CELSR1: variants seen among roughly 807,000 people sequenced by gnomAD.
CELSR1 encodes the protein adhesion G protein-coupled receptor C1.
CELSR1 carries 110 observed loss-of-function variants against 249.1 expected under a neutral mutation model. The observed-to-expected ratio is 0.44, with a 90% CI of 0.38 to 0.52. CELSR1 has a LOEUF of 0.52. Ranked by LOEUF, CELSR1 falls within the 20% of genes least tolerant of loss-of-function variation. The probability of loss-of-function intolerance (pLI) is 0.00; values close to 1 mark genes in which losing one functional copy is unlikely to be tolerated. For missense variants in CELSR1, 4,109 were observed against 4,296.4 expected (o/e 0.96, Z 1.22); for synonymous variants, 2,113 against 1,900.0 (o/e 1.11, Z -2.92).
At chr22:46,499,743 C>A (rs141693395) in intron 1 of CELSR1, among the ~76,000 whole-genome samples, 4,277 of 152,218 alleles carry the variant, frequency 0.028, 110 homozygotes, top group Middle Eastern at 0.048. Context: ...CCTGGTCCCC[C>A]ACCCTTGGGA....
At chr22:46,386,616 C>T (rs2079037006) in intron 18 of CELSR1, 31 bp from the exon 19 acceptor site, 2 of 1,517,230 alleles carry the variant, frequency 1.3e-6, no homozygotes, top group Non-Finnish European at 1.8e-6. Context: ...CAGTACTCAG[C>T]CTGCGGAGGC....
rs59890145 is a variant in CELSR1 at position 46,385,303 on chromosome 22, G to A, written c.6740-617C>T. On this transcript the variant is annotated intron_variant, in intron 19 of 34. Transcript: ENST00000674500. ...AATAGAGACAGGGTCTCACTATGGC[G>A]CCTGGCTGGTTTCGAACTCCTGGGC... Among the ~76,000 whole-genome samples, 114 of 152,102 alleles carry A rather than the reference G, an allele frequency of 7.5e-4. 1 individual carries two copies. Among genetic ancestry groups the A allele is most frequent in the African/African-American group, 2.7e-3 (111 of 41,470 alleles).
Position 46,361,388 on chromosome 22 carries a change from C to G in CELSR1, c.*1835G>C, listed in dbSNP as rs113722201. On this transcript the variant is annotated 3_prime_UTR_variant, in exon 35 of 35. Coordinates refer to ENST00000674500, the MANE Select transcript of CELSR1 (RefSeq NM_001378328.1). The stretch of plus-strand genomic sequence containing the variant: ...TCTGATCAAATTAAAAATTACACCT[C>G]GTGATGTTGGCTGTGGAGTACGTGG... 7 of 152,472 alleles carry G rather than the reference C, an allele frequency of 4.6e-5. No individual in the cohort carries two copies. Among genetic ancestry groups the G allele is most frequent in the African/African-American group, 1.4e-4 (6 of 41,532 alleles). The allele number at this position is 152,472 out of a possible 1,614,324, so 9.4% of individuals were successfully genotyped here.
At position 46,368,378 on chromosome 22, in the gene CELSR1, G is replaced by A. The variant is rs145504190; in HGVS notation, c.7953-523C>T. On this transcript the variant is annotated intron_variant, in intron 27 of 34. Transcript: ENST00000674500. ...TCCACAGGTCGTGGATGGCACTGAA[G>A]ACGAGGAACTGACAAGGCCCCAGAC... Among the ~76,000 whole-genome samples, 425 of 152,194 alleles carry A rather than the reference G, an allele frequency of 2.8e-3. 13 individuals carry two copies. Among genetic ancestry groups the A allele is most frequent in the Admixed American group, 0.025 (387 of 15,292 alleles).
At position 46,527,963 on chromosome 22, in the gene CELSR1, C is replaced by T. The variant is rs573025414; in HGVS notation, c.3544+5664G>A. ...TACAAAAATTAGCCAGGCATGATGG[C>T]GGGTACCTATAATCCCAGCTACTTG... On this transcript the variant is annotated intron_variant, in intron 1 of 34. Coordinates refer to ENST00000674500, the MANE Select transcript of CELSR1 (RefSeq NM_001378328.1). This position sits in a 1 kb window ranked among gnomAD's most constrained non-coding sequence, Gnocchi z 5.5. Among the ~76,000 whole-genome samples, 7 of 152,140 alleles carry T rather than the reference C, an allele frequency of 4.6e-5. No individual in the cohort carries two copies. Among genetic ancestry groups the T allele is most frequent in the East Asian group, 1.9e-4 (1 of 5,170 alleles).
intron 1 of CELSR1, among the ~76,000 whole-genome samples, chr22:46,483,105 G>A (rs943074738): frequency 1.8e-4 from 27 of 152,174 alleles, no homozygotes; most frequent in African/African-American, 6.3e-4. Flanking sequence ...AAGCAGGAAA[G>A]ACAAAGCCTA....
intron 23 of CELSR1, among the ~76,000 whole-genome samples, chr22:46,378,134 G>A (rs924557224): frequency 9.2e-5 from 14 of 152,362 alleles, no homozygotes; most frequent in East Asian, 5.8e-4. Context: ...AACATTAGCC[G>A]CCCAGCCTTT....
intron 1 of CELSR1, among the ~76,000 whole-genome samples, chr22:46,482,207 C>T (rs775687260): frequency 1.2e-4 from 19 of 152,336 alleles, no homozygotes; most frequent in Admixed American, 7.2e-4. Context: ...GGGGCACGGC[C>T]GCTCACCAGC....
rs549437685 is a variant in CELSR1, at chr22:46,401,785, G to A, written c.5227-1883C>T. On this transcript the variant is annotated intron_variant, in intron 9 of 34. Coordinates refer to ENST00000674500, the MANE Select transcript of CELSR1 (RefSeq NM_001378328.1). The surrounding 1 kb of genome is among the most constrained non-coding windows in gnomAD (Gnocchi z 4.7). ...AAAACGAAAAAGAGCCACCTTTGCA[G>A]GACTGGAAGCCCAGCTTTGAACCAC... Among the ~76,000 whole-genome samples, 9 of 152,344 alleles carry A rather than the reference G, an allele frequency of 5.9e-5. No individual in the cohort carries two copies. The South Asian group carries it at 1.5e-3, about 25-fold the overall frequency.
At chr22:46,528,974 T>C (rs1162356015) in intron 1 of CELSR1, among the ~76,000 whole-genome samples, 1 of 142,878 alleles carries the variant, frequency 7.0e-6, no homozygotes, top group Non-Finnish European at 1.5e-5. Flanking sequence ...TAAAAAAGAA[T>C]GAGATCCTGG....
In CELSR1 at chr22:46,399,775, T is replaced by C; in HGVS notation, c.5354A>G (p.Lys1785Arg). 1 of 1,614,074 alleles carries C rather than the reference T, an allele frequency of 6.2e-7. No homozygotes were observed. Among genetic ancestry groups the C allele is most frequent in the Non-Finnish European group, 8.5e-7 (1 of 1,179,972 alleles). ...HHLLIELKNV[K>R]EDSEMKHLVT... ...CAGGTGCTTCATCTCACTGTCCTCC[T>C]TAACATTCTTCAGCTCGATCAGCAG... The change falls in exon 10 of 35, where the codon AAG (lysine) becomes AGG (arginine). Residue 1785 changes from lysine to arginine, a missense_variant. Coordinates refer to ENST00000674500, the MANE Select transcript of CELSR1 (RefSeq NM_001378328.1). This position sits in a 1 kb window ranked among gnomAD's most constrained non-coding sequence, Gnocchi z 5.0.
In CELSR1 at chr22:46,412,161, C is replaced by A. The variant is rs1410292027; in HGVS notation, c.4612-402G>T. ...GGAGCAGCTGTTTACAAGCCAAGGGCCACCTGGGCCACCGACAGCTAGGAA... is the reference window on the plus strand; with the variant it reads ...GGAGCAGCTGTTTACAAGCCAAGGGACACCTGGGCCACCGACAGCTAGGAA... On this transcript the variant is annotated intron_variant, in intron 5 of 34. Transcript: ENST00000674500. The surrounding 1 kb of genome is among the most constrained non-coding windows in gnomAD (Gnocchi z 4.5). 6.6e-6 allele frequency among the ~76,000 whole-genome samples: 1 copy of A among 152,168 alleles called. No individual in the cohort carries two copies. The highest frequency in any genetic ancestry group is 1.5e-5 in the Non-Finnish European group (1 of 68,016).
rs1304039876 is a variant in CELSR1, at chr22:46,488,707, T to G, written c.3545-24362A>C. Among the ~76,000 whole-genome samples, 2 of 150,420 alleles carry G rather than the reference T, an allele frequency of 1.3e-5. No homozygotes were observed. Among genetic ancestry groups the G allele is most frequent in the African/African-American group, 2.5e-5 (1 of 40,612 alleles). On this transcript the variant is annotated intron_variant, in intron 1 of 34. Coordinates refer to ENST00000674500, the MANE Select transcript of CELSR1 (RefSeq NM_001378328.1). This position sits in a 1 kb window ranked among gnomAD's most constrained non-coding sequence, Gnocchi z 4.7. ...CGGAGTCTTGCTCTGTCACCCAGGCTGGAGTTCAGTGGCGTGATCTCGGCT... is the reference window on the plus strand; with the variant it reads ...CGGAGTCTTGCTCTGTCACCCAGGCGGGAGTTCAGTGGCGTGATCTCGGCT...
At chr22:46,487,052 A>C (rs1192721919) in intron 1 of CELSR1, among the ~76,000 whole-genome samples, 3 of 115,424 alleles carry the variant, frequency 2.6e-5, no homozygotes, top group Non-Finnish European at 3.6e-5. Context: ...TCCCACTCCC[A>C]CTCCCACTCC....
intron 1 of CELSR1, among the ~76,000 whole-genome samples, chr22:46,505,562 C>T (rs1392593024): frequency 6.6e-6 from 1 of 152,014 alleles, no homozygotes; most frequent in African/African-American, 2.4e-5. Flanking sequence ...GGAGGCTGCA[C>T]TGAGTCAAGA....
In CELSR1 at chr22:46,364,584, C is replaced by G. The variant is rs9615351; in HGVS notation, c.8707G>C (p.Glu2903Gln). 396,735 of 1,612,398 alleles carry G rather than the reference C, an allele frequency of 0.25. 54,502 individuals carry two copies. Among genetic ancestry groups the G allele is most frequent in the African/African-American group, 0.52 (39,326 of 75,002 alleles). Reference sequence around the variant, plus strand: ...CCGCTCTCCTGGTCCGGGGGGTACTCTCCACGGTGACTGCCCTGCTCCTCG... The same window carrying G: ...CCGCTCTCCTGGTCCGGGGGGTACTGTCCACGGTGACTGCCCTGCTCCTCG... ...HREEQGSHRG[E>Q]YPPDQESGGA... is the part of the protein sequence containing the mutation. Residue 2903 changes from glutamate (E) to glutamine (Q), a missense_variant, in exon 33 of 35, where the codon GAG becomes CAG. Glu to Gln is a conservative substitution (Grantham distance 29, BLOSUM62 2). Coordinates refer to ENST00000674500, the MANE Select transcript of CELSR1 (RefSeq NM_001378328.1).
chr22:46,420,010 C>G (rs567485359), intron 5 of CELSR1, among the ~76,000 whole-genome samples: 8 of 151,484 alleles, frequency 5.3e-5, no homozygotes, highest in Admixed American at 2.6e-4. Flanking sequence ...TGTGCATACT[C>G]AAAACCCACG....
intron 2 of CELSR1, among the ~76,000 whole-genome samples, chr22:46,451,708 C>A (rs908187657): frequency 1.3e-5 from 2 of 152,322 alleles, no homozygotes; most frequent in African/African-American, 4.8e-5. Context: ...AAATAACCCA[C>A]CCTGTAATGG....
At chr22:46,478,742 C>T (rs2080236369) in intron 1 of CELSR1, among the ~76,000 whole-genome samples, 1 of 149,872 alleles carries the variant, frequency 6.7e-6, no homozygotes, top group Admixed American at 6.7e-5. Context: ...TTAGTAGAGA[C>T]GGGGTTTCAC....
Sources: allele counts gnomAD v4.1 joint callset (sites outside exome capture counted in the v4.1 genomes callset), GRCh38; gene constraint gnomAD v4.1.1; non-coding constraint Gnocchi (gnomAD v3.1); transcripts MANE v1.5; gene names NCBI Gene and HGNC (gene_info 2026-07-23, HGNC 2026-07-21).